The following ARHGEF28 variants were observed in gnomAD, a reference collection of about 807,000 sequenced individuals.
ARHGEF28 encodes 190 kDa guanine nucleotide exchange factor.
A neutral mutation model predicts 206.6 loss-of-function variants in ARHGEF28; 152 were observed. The ratio of observed to expected loss-of-function variants is 0.74; its 90% CI spans 0.64 to 0.84. The LOEUF is 0.84. ARHGEF28 is among the 40% of genes least tolerant of loss of function. The probability of loss-of-function intolerance (pLI) is 0.00; values close to 1 mark genes in which losing one functional copy is unlikely to be tolerated. For missense variants in ARHGEF28, 2,028 were observed against 2,073.2 expected (o/e 0.98, Z 0.42); for synonymous variants, 763 against 776.4 (o/e 0.98, Z 0.29).
chr5:73,822,680 T>C (rs557239522), intron 9 of ARHGEF28, among the ~76,000 whole-genome samples: 8 of 152,268 alleles, frequency 5.3e-5, no homozygotes, highest in Non-Finnish European at 8.8e-5. Context: ...TGGAGTGCAG[T>C]GACAAGAACA....
In ARHGEF28 at chr5:73,691,296, T is replaced by TACACAC. The variant is rs57854737; in HGVS notation, c.33+6431_33+6436dup. Among the ~76,000 whole-genome samples the TACACAC allele has an allele frequency of 5.0e-3, 742 of 149,764 alleles. 4 individuals carry two copies. Among genetic ancestry groups the TACACAC allele is most frequent in the African/African-American group, 0.015 (614 of 40,938 alleles). The stretch of plus-strand genomic sequence containing the variant: ...CACTAAAATTTGTTTGGCAAATGTG[T>TACACAC]ACACACACACACACACACACACACT... On this transcript the variant is annotated intron_variant, in intron 2 of 35. Transcript: ENST00000513042.
chr5:73,687,418 A>G (rs1478483693), intron 2 of ARHGEF28, among the ~76,000 whole-genome samples: 4 of 151,864 alleles, frequency 2.6e-5, no homozygotes, highest in African/African-American at 4.8e-5. Flanking sequence ...AGTATATAAC[A>G]TTTTTTAATT....
intron 9 of ARHGEF28, among the ~76,000 whole-genome samples, chr5:73,805,308 T>C (rs1755372977): frequency 6.6e-6 from 1 of 152,126 alleles, no homozygotes; most frequent in Non-Finnish European, 1.5e-5. Flanking sequence ...AACCTTAATG[T>C]ATGCAAATTT....
At chr5:73,632,514 A>C (rs969402621) in intron 1 of ARHGEF28, among the ~76,000 whole-genome samples, 3 of 152,200 alleles carry the variant, frequency 2.0e-5, no homozygotes, top group African/African-American at 4.8e-5. Context: ...GAAAGCTTAG[A>C]CTTTTAAAAA....
intron 1 of ARHGEF28, among the ~76,000 whole-genome samples, chr5:73,656,180 C>T (rs1262735981): frequency 6.6e-6 from 1 of 152,164 alleles, no homozygotes; most frequent in African/African-American, 2.4e-5. Context: ...TCTAATCTTC[C>T]TCCTTTTTAC....
intron 2 of ARHGEF28, among the ~76,000 whole-genome samples, chr5:73,716,714 C>G (rs537889243): frequency 6.6e-6 from 1 of 152,036 alleles, no homozygotes; most frequent in Non-Finnish European, 1.5e-5. Flanking sequence ...CAGCATTGTC[C>G]GTAGTAATAT....
intron 1 of ARHGEF28, among the ~76,000 whole-genome samples, chr5:73,664,555 A>G (rs1327628276): frequency 6.6e-6 from 1 of 152,238 alleles, no homozygotes; most frequent in African/African-American, 2.4e-5. Flanking sequence ...AAATAAACTA[A>G]GAAGCACTCA....
intron 35 of ARHGEF28, among the ~76,000 whole-genome samples, chr5:73,929,473 C>T (rs1220453119): frequency 6.9e-6 from 1 of 145,564 alleles, no homozygotes; most frequent in African/African-American, 2.6e-5. Flanking sequence ...CCAGTTGTTT[C>T]ACAAATGTTA....
At chr5:73,673,808 A>G (rs1001154643) in intron 1 of ARHGEF28, among the ~76,000 whole-genome samples, 5 of 152,148 alleles carry the variant, frequency 3.3e-5, no homozygotes, top group African/African-American at 9.7e-5. Flanking sequence ...GATAGGTACT[A>G]TGATTAATTC....
chr5:73,661,629 T>C (rs1435931712), intron 1 of ARHGEF28, among the ~76,000 whole-genome samples: 3 of 151,954 alleles, frequency 2.0e-5, no homozygotes, highest in African/African-American at 7.3e-5. Context: ...TTAGAGGCCA[T>C]TGTAGGGTTA....
chr5:73,803,929 T>A (rs2112502780), intron 9 of ARHGEF28, among the ~76,000 whole-genome samples: 1 of 151,590 alleles, frequency 6.6e-6, no homozygotes, highest in East Asian at 1.9e-4. Context: ...TCTACAAAAA[T>A]TTTAAAAAAT....
intron 1 of ARHGEF28, among the ~76,000 whole-genome samples, chr5:73,675,913 C>T (rs1746642771): frequency 4.0e-5 from 6 of 151,462 alleles, no homozygotes; most frequent in Admixed American, 4.0e-4. Flanking sequence ...TTATATTTTT[C>T]AATTTTGTGG....
chr5:73,784,433 A>C (rs1272451948), intron 7 of ARHGEF28, among the ~76,000 whole-genome samples: 1 of 152,174 alleles, frequency 6.6e-6, no homozygotes, highest in Non-Finnish European at 1.5e-5. Flanking sequence ...GAATGGCCAA[A>C]AAGTCTTCTT....
At chr5:73,787,695 A>G (rs1478487408) in intron 7 of ARHGEF28, among the ~76,000 whole-genome samples, 1 of 152,168 alleles carries the variant, frequency 6.6e-6, no homozygotes, top group Non-Finnish European at 1.5e-5. Context: ...ATGTCCCTGC[A>G]AAGGACATGA....
intron 1 of ARHGEF28, among the ~76,000 whole-genome samples, chr5:73,667,864 T>C (rs905368049): frequency 6.6e-6 from 1 of 152,236 alleles, no homozygotes; most frequent in Non-Finnish European, 1.5e-5. Flanking sequence ...TATTAAATTC[T>C]GCCTTCCACA....
intron 9 of ARHGEF28, among the ~76,000 whole-genome samples, chr5:73,807,288 T>C (rs1230627472): frequency 1.3e-5 from 2 of 152,136 alleles, no homozygotes; most frequent in Non-Finnish European, 2.9e-5. Context: ...TTCCATATGA[T>C]TTATTATTCA....
At chr5:73,812,132 A>T (rs190812636) in intron 9 of ARHGEF28, among the ~76,000 whole-genome samples, 1 of 152,204 alleles carries the variant, frequency 6.6e-6, no homozygotes. Context: ...GATTTATGTA[A>T]TTCTGATTTT....
chr5:73,651,997 G>A (rs1744865349), intron 1 of ARHGEF28, among the ~76,000 whole-genome samples: 1 of 152,142 alleles, frequency 6.6e-6, no homozygotes. Context: ...ACCTCATTTT[G>A]GTTCCGTTGG....
chr5:73,738,161 G>C (rs990638740), intron 2 of ARHGEF28, among the ~76,000 whole-genome samples: 7 of 152,154 alleles, frequency 4.6e-5, no homozygotes, highest in African/African-American at 9.7e-5. Flanking sequence ...CCCAGTCCCT[G>C]GGGGAGGAAT....
Sources: gnomAD v4.1 joint callset for allele counts (sites outside exome capture counted in the v4.1 genomes callset) on GRCh38, gnomAD v4.1.1 for gene constraint, MANE v1.5 for transcripts, NCBI Gene and HGNC (gene_info 2026-07-23, HGNC 2026-07-21) for gene names.